Variants in DOCK2 observed in about 807,000 individuals in gnomAD.
DOCK2 encodes the protein dedicator of cytokinesis protein 2.
In DOCK2, 87 loss-of-function variants were observed where a neutral mutation model predicts 248.9. The ratio of observed to expected loss-of-function variants is 0.35; its 90% CI spans 0.29 to 0.42. The LOEUF is 0.42. Among genes scored for constraint, DOCK2 ranks in the 10% least tolerant of loss-of-function variants. DOCK2 has a pLI of 1.00. For missense variants in DOCK2, 1,747 were observed against 2,300.2 expected (o/e 0.76, Z 4.92); for synonymous variants, 805 against 821.6 (o/e 0.98, Z 0.35).
At chr5:169,874,982 C>A (rs1772229481) in intron 27 of DOCK2, among the ~76,000 whole-genome samples, 1 of 152,060 alleles carries the variant, frequency 6.6e-6, no homozygotes. Flanking sequence ...CTTTACCCAA[C>A]ATATATAATT....
chr5:169,656,387 G>A (rs916503913), intron 2 of DOCK2, among the ~76,000 whole-genome samples: 4 of 151,278 alleles, frequency 2.6e-5, no homozygotes, highest in Non-Finnish European at 4.4e-5. Context: ...GCAGTGATGC[G>A]ATCTCGGCTC....
At chr5:170,027,144 A>G (rs765272041) in intron 33 of DOCK2, among the ~76,000 whole-genome samples, 2 of 151,996 alleles carry the variant, frequency 1.3e-5, no homozygotes, top group Non-Finnish European at 2.9e-5. Context: ...TTCCATCTTC[A>G]GCTTGAGCAA....
chr5:169,717,301 A>T (rs1171485584), intron 20 of DOCK2, 83 bp from the exon 21 acceptor site: 1 of 1,121,652 alleles, frequency 8.9e-7, no homozygotes, highest in Admixed American at 1.7e-5. Flanking sequence ...AAGGATTTTA[A>T]TGGGGGTTGA....
At chr5:169,886,173 G>A (rs552555224) in intron 27 of DOCK2, among the ~76,000 whole-genome samples, 1 of 152,220 alleles carries the variant, frequency 6.6e-6, no homozygotes, top group South Asian at 2.1e-4. Context: ...GTCTTTATTA[G>A]TGGCGTGAGA....
intron 27 of DOCK2, among the ~76,000 whole-genome samples, chr5:169,842,321 C>A (rs1393899592): frequency 6.6e-6 from 1 of 152,084 alleles, no homozygotes; most frequent in East Asian, 1.9e-4. Flanking sequence ...GTCTTACTTA[C>A]CATCCTTCCA....
At chr5:169,726,535 C>CT (rs1210338540) in intron 22 of DOCK2, among the ~76,000 whole-genome samples, 5 of 152,098 alleles carry the variant, frequency 3.3e-5, no homozygotes, top group South Asian at 2.1e-4. Flanking sequence ...TCTATTTTGG[C>CT]TTTTTTTGCC....
chr5:169,804,472 G>GTA (rs1561712830), intron 26 of DOCK2, among the ~76,000 whole-genome samples: 3 of 83,708 alleles, frequency 3.6e-5, no homozygotes, highest in African/African-American at 9.0e-5. Context: ...GTGTGTGTGT[G>GTA]TGTGTGTGTG....
At chr5:169,847,845 T>G (rs1417424212) in intron 27 of DOCK2, among the ~76,000 whole-genome samples, 1 of 152,218 alleles carries the variant, frequency 6.6e-6, no homozygotes, top group Non-Finnish European at 1.5e-5. Context: ...AGAACAGTGA[T>G]GTATGCAAGA....
chr5:169,700,747 A>G (rs962557807), intron 13 of DOCK2, among the ~76,000 whole-genome samples: 2 of 152,194 alleles, frequency 1.3e-5, no homozygotes, highest in Non-Finnish European at 2.9e-5. Context: ...TTCCTGCACC[A>G]GCCCCCAACA....
intron 32 of DOCK2, among the ~76,000 whole-genome samples, chr5:170,017,058 A>T (rs1057079511): frequency 6.6e-6 from 1 of 152,142 alleles, no homozygotes; most frequent in Admixed American, 6.5e-5. Context: ...CTAACTGAGG[A>T]TATTCCTAGG....
chr5:169,687,595 TA>T (rs1432543975), intron 8 of DOCK2, among the ~76,000 whole-genome samples: 1 of 152,242 alleles, frequency 6.6e-6, no homozygotes, highest in Non-Finnish European at 1.5e-5. Flanking sequence ...AATGGGCACT[TA>T]TTTAGCACCA....
At chr5:169,995,942 C>T (rs1754611096) in intron 29 of DOCK2, 144 bp from the exon 30 acceptor site, 1 of 711,312 alleles carries the variant, frequency 1.4e-6, no homozygotes, top group African/African-American at 1.8e-5. Flanking sequence ...AGTTGTTAAT[C>T]TGCATTAGCT....
intron 33 of DOCK2, among the ~76,000 whole-genome samples, chr5:170,019,712 T>C (rs1009417590): frequency 6.6e-6 from 1 of 152,126 alleles, no homozygotes; most frequent in Non-Finnish European, 1.5e-5. Context: ...ATGAGGTCCA[T>C]TTCCCGGGCC....
At chr5:169,638,967 TG>T (rs1448078368) in intron 1 of DOCK2, among the ~76,000 whole-genome samples, 1 of 152,116 alleles carries the variant, frequency 6.6e-6, no homozygotes, top group Non-Finnish European at 1.5e-5. Flanking sequence ...CTGAAGTGTG[TG>T]GGTCAAACAA....
chr5:170,049,544 G>T (rs1365025139), intron 40 of DOCK2, among the ~76,000 whole-genome samples: 3 of 152,186 alleles, frequency 2.0e-5, no homozygotes, highest in Non-Finnish European at 4.4e-5. Context: ...AGGCAGTATG[G>T]GTGGCACAGA....
chr5:170,036,512 T>A lies in DOCK2; in HGVS notation c.3625-3T>A. ...TCATCATTGTTTTTCCTCCCCTACC[T>A]AGAATTTCTACAAAGATAACAACAG... On this transcript the variant is annotated splice_region_variant and splice_polypyrimidine_tract_variant and intron_variant, in intron 35 of 51. Coordinates refer to ENST00000520908, the MANE Select transcript of DOCK2 (RefSeq NM_004946.3). 1 of 1,612,876 alleles carries A rather than the reference T, an allele frequency of 6.2e-7. No homozygotes were observed. The highest frequency in any genetic ancestry group is 1.1e-5 in the South Asian group (1 of 90,730).
chr5:170,015,780 G>GCCTC (rs1424992097), intron 32 of DOCK2, among the ~76,000 whole-genome samples: 1 of 151,152 alleles, frequency 6.6e-6, no homozygotes, highest in Admixed American at 6.6e-5. Context: ...GTTCACAAAA[G>GCCTC]CCTCCCTCCC....
intron 27 of DOCK2, among the ~76,000 whole-genome samples, chr5:169,930,053 C>T (rs1047812581): frequency 1.3e-5 from 2 of 152,154 alleles, no homozygotes; most frequent in African/African-American, 4.8e-5. Context: ...TGCAGTGGCA[C>T]GATCTCAGCT....
chr5:169,756,509 A>G (rs1764202474), intron 23 of DOCK2, among the ~76,000 whole-genome samples: 1 of 152,212 alleles, frequency 6.6e-6, no homozygotes, highest in Admixed American at 6.5e-5. Flanking sequence ...CATCATGAAG[A>G]GGCTGAGGCT....
Sources: gnomAD v4.1 joint callset for allele counts (sites outside exome capture counted in the v4.1 genomes callset) on GRCh38, gnomAD v4.1.1 for gene constraint, MANE v1.5 for transcripts, NCBI Gene and HGNC (gene_info 2026-07-23, HGNC 2026-07-21) for gene names.